TNKS1BP1: variants seen among roughly 807,000 people sequenced by gnomAD.
The protein encoded by TNKS1BP1 is 182 kDa tankyrase-1-binding protein.
TNKS1BP1 carries 48 observed loss-of-function variants against 141.1 expected under a neutral mutation model. That is an observed-to-expected ratio of 0.34 (90% CI 0.27 to 0.43). TNKS1BP1 has a LOEUF of 0.43. Ranked by LOEUF, TNKS1BP1 falls within the 20% of genes least tolerant of loss-of-function variation. TNKS1BP1 has a pLI of 1.00. For synonymous variants in TNKS1BP1, 875 were observed against 898.2 expected (o/e 0.97, Z 0.46); for missense variants, 2,149 against 2,226.0 (o/e 0.97, Z 0.70).
chr11:57,302,138 A>C lies in TNKS1BP1; in HGVS notation c.4770T>G (p.Pro1590=). ...CCTCCGACAGGCCCAAGGTACCCCC[A>C]GGCCGAATGACCGGGGCCCGGTGCC... The part of the protein sequence containing the change: ...KRGHRAPVIR[P]GGTLGLSEAA... Residue 1590 remains proline, a synonymous_variant, in exon 8 of 12, where the codon CCT becomes CCG. Coordinates refer to ENST00000358252, the MANE Select transcript of TNKS1BP1 (RefSeq NM_033396.3). The surrounding 1 kb of genome is among the most constrained non-coding windows in gnomAD (Gnocchi z 5.5). 1 of 1,613,790 alleles carries C rather than the reference A, an allele frequency of 6.2e-7. No homozygotes were observed. Among genetic ancestry groups the C allele is most frequent in the Non-Finnish European group, 8.5e-7 (1 of 1,179,992 alleles).
In TNKS1BP1 at chr11:57,310,549, A is replaced by G; in HGVS notation, c.2162T>C (p.Leu721Pro). Residue 721 changes from leucine (L) to proline (P), a missense_variant, in exon 6 of 12, where the codon CTT (leucine) becomes CCT (proline). Physicochemically the swap from Leu to Pro is moderately conservative, Grantham distance 98. Coordinates refer to ENST00000358252, the MANE Select transcript of TNKS1BP1 (RefSeq NM_033396.3). ...QSPSTCSEGL[L>P]GWSQKDLQSE... ...CTGCAGATCTTTCTGGGACCAGCCA[A>G]GGAGTCCCTGGGAATAAGAAAAAAA... is the stretch of plus-strand genomic sequence containing the variant. The G allele has an allele frequency of 3.1e-6, 5 of 1,599,184 alleles. No homozygotes were observed. Among genetic ancestry groups the G allele is most frequent in the Non-Finnish European group, 4.2e-6 (5 of 1,178,204 alleles).
In TNKS1BP1 at chr11:57,313,218, C is replaced by A. The variant is rs774783891; in HGVS notation, c.1470G>T (p.Trp490Cys). 5 of 1,612,742 alleles carry A rather than the reference C, an allele frequency of 3.1e-6. No individual in the cohort carries two copies. In the East Asian group the frequency reaches 1.1e-4, roughly 36 times the overall value. ...GGGAGGGAGGCGGGGAGTCCAGCCG[C>A]CACACGCCCAGACCCGAGGGCCTCG... ...FPTRPSGLGV[W>C]RLDSPPPSPI... Residue 490 changes from tryptophan (W) to cysteine (C), a missense_variant, in exon 5 of 12, where the codon TGG (tryptophan) becomes TGT (cysteine). Trp to Cys is a radical substitution (Grantham distance 215). Transcript: ENST00000358252.
At chr11:57,300,764 G>C in intron 10 of TNKS1BP1, 120 bp downstream of exon 10, 1 of 1,497,352 alleles carries the variant, frequency 6.7e-7, no homozygotes, top group Non-Finnish European at 9.1e-7. Flanking sequence ...TTCATCTGGG[G>C]CATGTCCGAC....
chr11:57,306,470 A>G (rs1404438107), intron 6 of TNKS1BP1, among the ~76,000 whole-genome samples: 1 of 152,166 alleles, frequency 6.6e-6, no homozygotes, highest in Non-Finnish European at 1.5e-5. Context: ...AGTACCCAGC[A>G]TTTTCCAAAC....
At chr11:57,315,057 G>A (rs1331036686) in intron 4 of TNKS1BP1, among the ~76,000 whole-genome samples, 7 of 152,060 alleles carry the variant, frequency 4.6e-5, no homozygotes, top group Admixed American at 4.6e-4. Flanking sequence ...CATCATTGTT[G>A]TGATAGCTTA....
intron 10 of TNKS1BP1, 31 bp from the exon 11 acceptor site, chr11:57,300,631 C>A: frequency 6.2e-7 from 1 of 1,613,856 alleles, no homozygotes; most frequent in Non-Finnish European, 8.5e-7. Flanking sequence ...GTCCAGAATG[C>A]AAACTTTGAG....
intron 6 of TNKS1BP1, among the ~76,000 whole-genome samples, chr11:57,306,395 C>T (rs1855611007): frequency 6.6e-6 from 1 of 152,152 alleles, no homozygotes; most frequent in African/African-American, 2.4e-5. Flanking sequence ...GAAAATACTG[C>T]ATTACTTGTC....
rs78489201 is a variant in TNKS1BP1 at position 57,309,346 on chromosome 11, T to C, written c.3365A>G (p.Tyr1122Cys). 1 of 1,614,066 alleles carries C rather than the reference T, an allele frequency of 6.2e-7. No homozygotes were observed. The highest frequency in any genetic ancestry group is 1.1e-5 in the South Asian group (1 of 91,078). Residue 1122 changes from tyrosine to cysteine, a missense_variant, in exon 6 of 12, where the codon TAT becomes TGT. By Grantham distance (194) the Tyr-to-Cys change is radical. Coordinates refer to ENST00000358252, the MANE Select transcript of TNKS1BP1 (RefSeq NM_033396.3). This position sits in a 1 kb window ranked among gnomAD's most constrained non-coding sequence, Gnocchi z 4.3. ...DFCIEASERS[Y>C]QFGIIGNDRV... ...GTCGTTGCCAATGATGCCAAACTGA[T>C]AGCTCCTCTCACTGGCCTCGATGCA...
chr11:57,300,731 ATT>A, intron 10 of TNKS1BP1, 131 bp from the exon 11 acceptor site: 1 of 1,504,592 alleles, frequency 6.6e-7, no homozygotes, highest in Non-Finnish European at 9.1e-7. Flanking sequence ...AGGGACCCAA[ATT>A]CTGACACCAT....
At chr11:57,324,360 G>C (rs991771553) in intron 1 of TNKS1BP1, among the ~76,000 whole-genome samples, 2 of 152,188 alleles carry the variant, frequency 1.3e-5, no homozygotes, top group Non-Finnish European at 2.9e-5. Context: ...AGGAGGAGGA[G>C]GGGGCTGCGG....
chr11:57,319,144 CAAAAAAAAAA>C (rs558416849), intron 3 of TNKS1BP1, among the ~76,000 whole-genome samples: 1 of 64,288 alleles, frequency 1.6e-5, no homozygotes, highest in South Asian at 5.6e-4. Context: ...GACTCCGTCT[CAAAAAAAAAA>C]AAAAAAAAAA....
chr11:57,324,662 C>T (rs1855939576), intron 1 of TNKS1BP1, among the ~76,000 whole-genome samples, 178 bp downstream of exon 1: 1 of 151,924 alleles, frequency 6.6e-6, no homozygotes, highest in Non-Finnish European at 1.5e-5. Flanking sequence ...CGCCACCTTC[C>T]CCCGGGCCTC....
At chr11:57,310,707 T>C (rs1417641957) in intron 5 of TNKS1BP1, 151 bp from the exon 6 acceptor site, 1 of 1,001,044 alleles carries the variant, frequency 1.0e-6, no homozygotes, top group East Asian at 2.5e-5. Context: ...ACTTAACCAC[T>C]CTGGGTCTCA....
In TNKS1BP1 at chr11:57,317,887, C is replaced by T. The variant is rs759548669; in HGVS notation, c.729G>A (p.Arg243=). The T allele has an allele frequency of 1.8e-5, 29 of 1,613,792 alleles. No homozygotes were observed. Among genetic ancestry groups the T allele is most frequent in the Middle Eastern group, 1.7e-4 (1 of 6,034 alleles). The change falls in exon 4 of 12, where the codon AGG becomes AGA. Residue 243 remains arginine, a splice_region_variant and synonymous_variant. Coordinates refer to ENST00000358252, the MANE Select transcript of TNKS1BP1 (RefSeq NM_033396.3). ...REEHSKTPEE[R]SLPSDLAFNG... is the part of the protein sequence containing the mutation. Reference sequence around the variant, plus strand: ...TGAAGGCCAGGTCGGAAGGAAGGCTCCTGTGAGGGACGAGGACAGGAAATG... The same window carrying T: ...TGAAGGCCAGGTCGGAAGGAAGGCTTCTGTGAGGGACGAGGACAGGAAATG...
intron 4 of TNKS1BP1, among the ~76,000 whole-genome samples, chr11:57,316,000 G>A (rs1178261329): frequency 1.3e-5 from 2 of 152,002 alleles, no homozygotes; most frequent in African/African-American, 4.8e-5. Flanking sequence ...TCACTCACTA[G>A]CTACCATCCA....
chr11:57,315,195 C>T (rs1445326935), intron 4 of TNKS1BP1, among the ~76,000 whole-genome samples: 1 of 152,074 alleles, frequency 6.6e-6, no homozygotes, highest in East Asian at 1.9e-4. Context: ...TGGCTGCAAC[C>T]TCTGCATCAT....
At position 57,300,835 on chromosome 11, in the gene TNKS1BP1, C is replaced by A. The variant is rs763530451; in HGVS notation, c.5129+49G>T. 70 of 1,573,618 alleles carry A rather than the reference C, an allele frequency of 4.4e-5. 1 individual carries two copies. The South Asian group carries it at 7.7e-4, about 17-fold the overall frequency. On this transcript the variant is annotated intron_variant, in intron 10 of 11. Coordinates refer to ENST00000358252, the MANE Select transcript of TNKS1BP1 (RefSeq NM_033396.3). ...GTGAAGTGAGAGTTTCCCTTTTCATCAGGGTAATACAGTGAGGTCAGCGGA... is the reference window on the plus strand; with the variant it reads ...GTGAAGTGAGAGTTTCCCTTTTCATAAGGGTAATACAGTGAGGTCAGCGGA...
Position 57,313,191 on chromosome 11 carries a change from G to C in TNKS1BP1, c.1497C>G (p.Pro499=), listed in dbSNP as rs778587328. Residue 499 remains proline (P), a synonymous_variant, in exon 5 of 12, where the codon CCC becomes CCG. Transcript: ENST00000358252. ...VWRLDSPPPS[P]ITEASEAAEA... ...CGGCGGCCTCACTGGCTTCAGTGATGGGGGAGGGAGGCGGGGAGTCCAGCC... is the reference window on the plus strand; with the variant it reads ...CGGCGGCCTCACTGGCTTCAGTGATCGGGGAGGGAGGCGGGGAGTCCAGCC... 1.9e-6 allele frequency: 3 copies of C among 1,612,576 alleles called. No homozygotes were observed. The highest frequency in any genetic ancestry group is 1.3e-5 in the African/African-American group (1 of 75,062).
intron 6 of TNKS1BP1, among the ~76,000 whole-genome samples, chr11:57,306,264 C>A (rs761006259): frequency 5.7e-5 from 8 of 139,928 alleles, no homozygotes; most frequent in African/African-American, 8.5e-5. Context: ...GGAGCCTGGG[C>A]GATAGACCAA....
Sources: gnomAD v4.1 joint callset for allele counts (sites outside exome capture counted in the v4.1 genomes callset) on GRCh38, gnomAD v4.1.1 for gene constraint, Gnocchi (gnomAD v3.1) non-coding constraint, MANE v1.5 for transcripts, NCBI Gene and HGNC (gene_info 2026-07-23, HGNC 2026-07-21) for gene names.